Variants in TSPAN9 observed in about 807,000 individuals in gnomAD.
TSPAN9 encodes tetraspanin-9.
Under a neutral mutation model 31.0 loss-of-function variants are expected in TSPAN9, and 16 were observed. The ratio of observed to expected loss-of-function variants is 0.52; its 90% CI spans 0.35 to 0.78. TSPAN9 has a LOEUF of 0.78. Among genes scored for constraint, TSPAN9 ranks in the 30% least tolerant of loss-of-function variants. TSPAN9 has a pLI of 0.01. For synonymous variants in TSPAN9, 145 were observed against 121.6 expected (o/e 1.19, Z -1.27); for missense variants, 272 against 312.5 (o/e 0.87, Z 0.98).
At chr12:3,157,570 C>A (rs2098342902) in intron 2 of TSPAN9, among the ~76,000 whole-genome samples, 1 of 152,142 alleles carries the variant, frequency 6.6e-6, no homozygotes, top group Admixed American at 6.5e-5. Context: ...GGGATGAAAA[C>A]CTAAAATAGT....
intron 3 of TSPAN9, among the ~76,000 whole-genome samples, chr12:3,235,647 C>T (rs754288685): frequency 3.9e-5 from 6 of 152,100 alleles, no homozygotes; most frequent in Admixed American, 6.5e-5. Context: ...TGGAAGGTGT[C>T]GACTGCATCC....
intron 3 of TSPAN9, among the ~76,000 whole-genome samples, chr12:3,240,608 C>T (rs967708601): frequency 2.6e-5 from 4 of 152,148 alleles, no homozygotes; most frequent in African/African-American, 9.7e-5. Context: ...CGCTATACTA[C>T]CTCTGGGGGT....
chr12:3,278,536 T>C lies in TSPAN9; in HGVS notation c.179T>C (p.Ile60Thr), dbSNP rs1197689885. 6 of 1,614,212 alleles carry C rather than the reference T, an allele frequency of 3.7e-6. No homozygotes were observed. In the East Asian group the frequency reaches 1.1e-4, roughly 30 times the overall value. The change falls in exon 4 of 9, where the codon ATA becomes ACA. Residue 60 changes from isoleucine to threonine, a missense_variant. By Grantham distance (89) the Ile-to-Thr change is moderately conservative. Transcript: ENST00000011898. ...TCTGCAGCCAACCTGGTCATTGCCA[T>C]AGGCACCATTGTCATGGTGACGGGC... Reference protein sequence around the residue: ...SLSAANLVIAIGTIVMVTGFL... With the variant: ...SLSAANLVIATGTIVMVTGFL...
chr12:3,245,204 C>A (rs781671317), intron 3 of TSPAN9, among the ~76,000 whole-genome samples: 2 of 152,210 alleles, frequency 1.3e-5, no homozygotes, highest in African/African-American at 2.4e-5. Context: ...AGCGAGTGAG[C>A]AGGTGCCTGG....
chr12:3,161,444 C>T (rs1432645236), intron 2 of TSPAN9, among the ~76,000 whole-genome samples: 1 of 152,156 alleles, frequency 6.6e-6, no homozygotes, highest in Admixed American at 6.5e-5. Flanking sequence ...GGGCCAACTA[C>T]ATTTTTCTCC....
chr12:3,281,922 T>C, intron 8 of TSPAN9, 105 bp downstream of exon 8: 1 of 1,272,918 alleles, frequency 7.9e-7, no homozygotes, highest in Non-Finnish European at 1.1e-6. Flanking sequence ...GCGGAGGGTC[T>C]GGAATTCATC....
chr12:3,156,630 C>G (rs1045216529), intron 2 of TSPAN9, among the ~76,000 whole-genome samples: 1 of 152,084 alleles, frequency 6.6e-6, no homozygotes, highest in Non-Finnish European at 1.5e-5. Flanking sequence ...GCCTCAGCCT[C>G]CCGAGCGGCT....
intron 2 of TSPAN9, among the ~76,000 whole-genome samples, chr12:3,109,265 A>AGTGTGTGTGTGT (rs1461795540): frequency 1.9e-4 from 5 of 26,922 alleles, no homozygotes; most frequent in African/African-American, 8.1e-4. Context: ...TGTTTCATAT[A>AGTGTGTGTGTGT]GTCTGTGTGT....
At chr12:3,268,755 T>A (rs1354694281) in intron 3 of TSPAN9, among the ~76,000 whole-genome samples, 1 of 100,092 alleles carries the variant, frequency 1.0e-5, no homozygotes, top group African/African-American at 3.7e-5. Context: ...CTGCCCTCCG[T>A]GCGTTTCTGC....
intron 3 of TSPAN9, among the ~76,000 whole-genome samples, chr12:3,216,002 G>A (rs961536343): frequency 1.3e-5 from 2 of 152,160 alleles, no homozygotes; most frequent in African/African-American, 2.4e-5. Flanking sequence ...ACAGGGACAC[G>A]GCTCCATGTT....
At chr12:3,222,499 G>A (rs1591687058) in intron 3 of TSPAN9, among the ~76,000 whole-genome samples, 1 of 152,200 alleles carries the variant, frequency 6.6e-6, no homozygotes, top group East Asian at 1.9e-4. Flanking sequence ...GCACCCCATG[G>A]CACTGCATCT....
intron 3 of TSPAN9, among the ~76,000 whole-genome samples, chr12:3,245,382 ACT>A (rs1162728949): frequency 6.6e-6 from 1 of 151,948 alleles, no homozygotes; most frequent in African/African-American, 2.4e-5. Flanking sequence ...GGGAAGGCTG[ACT>A]CTTGCCGAGG....
intron 2 of TSPAN9, among the ~76,000 whole-genome samples, chr12:3,109,738 C>G (rs2098317330): frequency 6.9e-6 from 1 of 144,272 alleles, no homozygotes; most frequent in African/African-American, 2.6e-5. Flanking sequence ...GCGGATGTTG[C>G]AGTCAGCCGA....
chr12:3,216,376 C>T (rs1445371964), intron 3 of TSPAN9, among the ~76,000 whole-genome samples: 3 of 152,212 alleles, frequency 2.0e-5, no homozygotes, highest in South Asian at 2.1e-4. Context: ...CTCTTTTGCT[C>T]CCCCGAGATG....
In TSPAN9 at chr12:3,188,849, G is replaced by A. The variant is rs550194418; in HGVS notation, c.-17-12328G>A. Among the ~76,000 whole-genome samples, 103 of 152,290 alleles carry A rather than the reference G, an allele frequency of 6.8e-4. 1 individual carries two copies. Among genetic ancestry groups the A allele is most frequent in the African/African-American group, 2.4e-3 (100 of 41,554 alleles). On this transcript the variant is annotated intron_variant, in intron 2 of 8. Transcript: ENST00000011898. ...ATACCTCCCAGATAGGCCGAGGGCA[G>A]TGTTAGAGGGTGTCCGATACATACA... is the stretch of plus-strand genomic sequence containing the variant.
chr12:3,196,978 C>T (rs1157469416), intron 2 of TSPAN9, among the ~76,000 whole-genome samples: 6 of 152,194 alleles, frequency 3.9e-5, no homozygotes, highest in Non-Finnish European at 7.3e-5. Context: ...CCTGCGAGGG[C>T]CCTCCGTGAC....
chr12:3,118,590 A>G (rs572782515), intron 2 of TSPAN9, among the ~76,000 whole-genome samples: 4 of 151,640 alleles, frequency 2.6e-5, no homozygotes, highest in African/African-American at 9.7e-5. Flanking sequence ...TTTTTAATGG[A>G]ACAGGGATAC....
chr12:3,128,469 G>A (rs957372145), intron 2 of TSPAN9, among the ~76,000 whole-genome samples: 1 of 152,160 alleles, frequency 6.6e-6, no homozygotes, highest in Admixed American at 6.5e-5. Context: ...TGCAGCTGTA[G>A]TCCCAGCTAC....
chr12:3,253,527 A>G (rs1480335763), intron 3 of TSPAN9, among the ~76,000 whole-genome samples: 1 of 152,230 alleles, frequency 6.6e-6, no homozygotes, highest in Non-Finnish European at 1.5e-5. Context: ...TGTCTGCCGC[A>G]GGAAGTGTTC....
Sources: allele counts gnomAD v4.1 joint callset (sites outside exome capture counted in the v4.1 genomes callset), GRCh38; gene constraint gnomAD v4.1.1; transcripts MANE v1.5; gene names NCBI Gene and HGNC (gene_info 2026-07-23, HGNC 2026-07-21).